OSBPL8: variants seen among roughly 807,000 people sequenced by gnomAD.
The protein encoded by OSBPL8 is oxysterol binding protein like 8, also known as oxysterol-binding protein-related protein 8.
In OSBPL8, 59 loss-of-function variants were observed where a neutral mutation model predicts 125.5. The ratio of observed to expected loss-of-function variants is 0.47; its 90% CI spans 0.38 to 0.58. The LOEUF is 0.58. OSBPL8 is among the 20% of genes least tolerant of loss of function. OSBPL8 has a pLI of 0.00. For synonymous variants in OSBPL8, 330 were observed against 338.9 expected, an observed-to-expected ratio of 0.97 and a Z score of 0.29; for missense variants, 758 against 1,047.8, an observed-to-expected ratio of 0.72 and a Z score of 3.82.
chr12:76,360,897 C>A (rs1392386949), intron 21 of OSBPL8, among the ~76,000 whole-genome samples: 1 of 152,180 alleles, frequency 6.6e-6, no homozygotes, highest in African/African-American at 2.4e-5. Flanking sequence ...CTGGGCCCAG[C>A]CCATGAAACC....
At chr12:76,557,041 T>C (rs1951124975) in intron 1 of OSBPL8, among the ~76,000 whole-genome samples, 1 of 152,214 alleles carries the variant, frequency 6.6e-6, no homozygotes, top group African/African-American at 2.4e-5. Flanking sequence ...GCAGGACCTA[T>C]GTCCTCTTTG....
intron 3 of OSBPL8, among the ~76,000 whole-genome samples, chr12:76,457,043 A>G (rs1035796986): frequency 2.0e-5 from 3 of 152,236 alleles, no homozygotes; most frequent in East Asian, 1.9e-4. Flanking sequence ...AAGGTTTACA[A>G]TATTGCACGA....
intron 2 of OSBPL8, 113 bp from the exon 3 acceptor site, chr12:76,460,008 GT>G: frequency 1.0e-6 from 1 of 987,292 alleles, no homozygotes. Context: ...AATAGCATTA[GT>G]TTATAAGTAG....
chr12:76,517,848 C>T (rs926988288), intron 1 of OSBPL8, among the ~76,000 whole-genome samples: 3 of 152,170 alleles, frequency 2.0e-5, no homozygotes, highest in Non-Finnish European at 4.4e-5. Context: ...ACAACCAGGT[C>T]TCATGTGAAC....
At chr12:76,535,679 T>C (rs1315942878) in intron 1 of OSBPL8, among the ~76,000 whole-genome samples, 2 of 152,174 alleles carry the variant, frequency 1.3e-5, no homozygotes, top group Non-Finnish European at 2.9e-5. Flanking sequence ...TGGATATTCA[T>C]TACAATACTG....
At chr12:76,393,933 T>A (rs1953680287) in intron 9 of OSBPL8, among the ~76,000 whole-genome samples, 1 of 151,782 alleles carries the variant, frequency 6.6e-6, no homozygotes, top group Admixed American at 6.6e-5. Flanking sequence ...GGCAGGAGAA[T>A]CACTTATACC....
intron 4 of OSBPL8, among the ~76,000 whole-genome samples, chr12:76,443,819 T>G (rs1872472333): frequency 6.6e-6 from 1 of 152,158 alleles, no homozygotes; most frequent in Non-Finnish European, 1.5e-5. Context: ...TACATATCTG[T>G]CTTTCTTAAT....
chr12:76,394,496 A>C (rs1953710522), intron 9 of OSBPL8, 149 bp downstream of exon 9: 2 of 608,982 alleles, frequency 3.3e-6, no homozygotes, highest in African/African-American at 3.8e-5. Context: ...AGTTACTCAT[A>C]TATTTAGCAT....
rs897704866 is a variant in OSBPL8 at position 76,389,319 on chromosome 12, A to G, written c.1352+326T>C. ...TGAACAAGTGTTTTTGTAGAGGAGA[A>G]CAAATGATGCCAATCACCTCTCTCT... is the stretch of plus-strand genomic sequence containing the variant. On this transcript the variant is annotated intron_variant, in intron 12 of 23. Coordinates refer to ENST00000261183, the MANE Select transcript of OSBPL8 (RefSeq NM_020841.5). 1.6e-4 allele frequency among the ~76,000 whole-genome samples: 24 copies of G among 152,210 alleles called. 1 individual carries two copies. Among genetic ancestry groups the G allele is most frequent in the Non-Finnish European group, 4.4e-5 (3 of 68,026 alleles).
At chr12:76,470,053 T>C (rs747663446) in intron 2 of OSBPL8, among the ~76,000 whole-genome samples, 2 of 152,216 alleles carry the variant, frequency 1.3e-5, no homozygotes, top group Non-Finnish European at 2.9e-5. Context: ...ACAGATTCAC[T>C]ATCAGTTTTT....
chr12:76,516,089 A>T (rs1282480077), intron 1 of OSBPL8, among the ~76,000 whole-genome samples: 1 of 152,200 alleles, frequency 6.6e-6, no homozygotes, highest in African/African-American at 2.4e-5. Flanking sequence ...CTAATCATCC[A>T]TTTCAAAAAA....
intron 1 of OSBPL8, among the ~76,000 whole-genome samples, chr12:76,523,179 A>G (rs1950071362): frequency 6.6e-6 from 1 of 152,184 alleles, no homozygotes; most frequent in Admixed American, 6.5e-5. Flanking sequence ...TGTTATTTCT[A>G]CTGTGTTAAC....
intron 15 of OSBPL8, among the ~76,000 whole-genome samples, chr12:76,381,947 C>A (rs1009727635): frequency 6.6e-6 from 1 of 152,024 alleles, no homozygotes; most frequent in Non-Finnish European, 1.5e-5. Flanking sequence ...TTTGGCCTGG[C>A]TAGTATTGAA....
intron 4 of OSBPL8, among the ~76,000 whole-genome samples, chr12:76,437,695 T>C (rs1355257192): frequency 6.6e-6 from 1 of 152,180 alleles, no homozygotes; most frequent in African/African-American, 2.4e-5. Flanking sequence ...AAAAATCCTG[T>C]TGAGATATGG....
At chr12:76,378,055 T>G (rs977552469) in intron 16 of OSBPL8, among the ~76,000 whole-genome samples, 3 of 152,104 alleles carry the variant, frequency 2.0e-5, no homozygotes, top group African/African-American at 7.2e-5. Context: ...AGAAAAATCT[T>G]TAAAAAACTT....
chr12:76,539,067 G>GA (rs1950571527), intron 1 of OSBPL8, among the ~76,000 whole-genome samples: 1 of 118,488 alleles, frequency 8.4e-6, no homozygotes, highest in Non-Finnish European at 1.8e-5. Flanking sequence ...GGGAGGGGGA[G>GA]GGTAAGTATC....
rs542414553 is a variant in OSBPL8 at position 76,385,429 on chromosome 12, C to T, written c.1533+739G>A. Among the ~76,000 whole-genome samples, 147 of 151,852 alleles carry T rather than the reference C, an allele frequency of 9.7e-4. 4 individuals are homozygous for T. The South Asian group carries it at 0.029, about 30-fold the overall frequency. Reference sequence around the variant, plus strand: ...AATTAAAATATTTTCTGTCTGTATACAACAAAAAGAGAGGTATCATAGGGG... The same window carrying T: ...AATTAAAATATTTTCTGTCTGTATATAACAAAAAGAGAGGTATCATAGGGG... On this transcript the variant is annotated intron_variant, in intron 14 of 23. Coordinates refer to ENST00000261183, the MANE Select transcript of OSBPL8 (RefSeq NM_020841.5).
rs578093857 is a variant in OSBPL8 at position 76,383,929 on chromosome 12, C to T, written c.1630+325G>A. Among the ~76,000 whole-genome samples the T allele has an allele frequency of 1.8e-4, 27 of 152,224 alleles. 1 individual carries two copies. Among genetic ancestry groups the T allele is most frequent in the South Asian group, 2.1e-4 (1 of 4,830 alleles). On this transcript the variant is annotated intron_variant, in intron 15 of 23. Transcript: ENST00000261183. ...CTGTTCAAAGACTAAAATAGAAAGA[C>T]TAATCCCTTAGATACACTGAAATGA...
intron 2 of OSBPL8, among the ~76,000 whole-genome samples, chr12:76,483,873 C>T (rs545911127): frequency 1.3e-5 from 2 of 151,820 alleles, no homozygotes; most frequent in South Asian, 2.1e-4. Context: ...TGGGGTTTCA[C>T]CATGTTGGCC....
Sources: gnomAD v4.1 joint callset for allele counts (sites outside exome capture counted in the v4.1 genomes callset) on GRCh38, gnomAD v4.1.1 for gene constraint, MANE v1.5 for transcripts, NCBI Gene and HGNC (gene_info 2026-07-23, HGNC 2026-07-21) for gene names.